Variants in SORCS1 observed in about 807,000 individuals in gnomAD.
The protein encoded by SORCS1 is sortilin related VPS10 domain containing receptor 1, also known as VPS10 domain-containing receptor SorCS1.
Under a neutral mutation model 146.1 loss-of-function variants are expected in SORCS1, and 60 were observed. That is an observed-to-expected ratio of 0.41 (90% CI 0.33 to 0.51). The LOEUF (loss-of-function observed/expected upper bound fraction) is 0.51. SORCS1 is among the 20% of genes least tolerant of loss of function. SORCS1 has a pLI of 0.21. For missense variants in SORCS1, 1,352 were observed against 1,487.6 expected (o/e 0.91, Z 1.50); for synonymous variants, 637 against 584.0 (o/e 1.09, Z -1.31).
chr10:106,714,522 T>C (rs1302568449), intron 6 of SORCS1, among the ~76,000 whole-genome samples: 1 of 152,196 alleles, frequency 6.6e-6, no homozygotes, highest in Non-Finnish European at 1.5e-5. Flanking sequence ...TTCTGTACTA[T>C]CTTGGGTGAC....
intron 3 of SORCS1, among the ~76,000 whole-genome samples, chr10:106,808,231 G>A (rs752225472): frequency 2.0e-5 from 3 of 152,062 alleles, no homozygotes; most frequent in Non-Finnish European, 4.4e-5. Context: ...TTGGTCAGGA[G>A]GGTCTTGAAC....
chr10:106,713,891 T>C (rs549127969), intron 6 of SORCS1, among the ~76,000 whole-genome samples: 1 of 152,094 alleles, frequency 6.6e-6, no homozygotes, highest in Admixed American at 6.6e-5. Flanking sequence ...TATTTTTGTG[T>C]GGTAATTTGG....
At chr10:107,167,235 A>G (rs966387763), upstream of SORCS1, among the ~76,000 whole-genome samples, 1 of 152,232 alleles carries the variant, frequency 6.6e-6, no homozygotes, top group Non-Finnish European at 1.5e-5. Flanking sequence ...CAGAAGCGGA[A>G]AGTACCAGTA....
chr10:106,733,405 A>G (rs960046395), intron 5 of SORCS1, among the ~76,000 whole-genome samples: 2 of 152,190 alleles, frequency 1.3e-5, no homozygotes, highest in African/African-American at 4.8e-5. Flanking sequence ...CTTTTACTTT[A>G]TGGCCTAGTG....
intron 1 of SORCS1, among the ~76,000 whole-genome samples, chr10:107,151,446 G>C (rs1349215070): frequency 1.3e-5 from 2 of 151,988 alleles, no homozygotes; most frequent in Non-Finnish European, 2.9e-5. Flanking sequence ...CACATGGCTG[G>C]GGAGATCTCA....
intron 10 of SORCS1, 151 bp downstream of exon 10, chr10:106,688,041 G>C (rs1335309648): frequency 5.1e-6 from 5 of 981,706 alleles, no homozygotes; most frequent in African/African-American, 1.7e-5. Context: ...GCAGTGCTGT[G>C]AGTTTTCTAC....
chr10:106,667,904 A>G, intron 16 of SORCS1, 102 bp from the exon 17 acceptor site: 2 of 612,844 alleles, frequency 3.3e-6, no homozygotes, highest in South Asian at 4.7e-5. Context: ...TCAATTAGTC[A>G]TAACAAACAA....
chr10:107,149,850 C>T (rs1968625939), intron 1 of SORCS1, among the ~76,000 whole-genome samples: 1 of 152,182 alleles, frequency 6.6e-6, no homozygotes, highest in Admixed American at 6.5e-5. Context: ...TGCTAACAAC[C>T]TAAGATCAAC....
At chr10:106,957,925 T>C (rs141862935) in intron 1 of SORCS1, among the ~76,000 whole-genome samples, 25 of 152,294 alleles carry the variant, frequency 1.6e-4, no homozygotes, top group Admixed American at 3.9e-4. Flanking sequence ...GAAAAACAGA[T>C]TCCGTCTATG....
At chr10:106,953,039 T>C (rs1049577474) in intron 2 of SORCS1, among the ~76,000 whole-genome samples, 2 of 151,928 alleles carry the variant, frequency 1.3e-5, no homozygotes, top group African/African-American at 4.8e-5. Context: ...AAATTACCAG[T>C]TTCTAATATA....
intron 1 of SORCS1, among the ~76,000 whole-genome samples, chr10:107,065,510 C>CTCCT (rs71025577): frequency 1.2e-5 from 1 of 86,360 alleles, no homozygotes; most frequent in Non-Finnish European, 2.3e-5. Flanking sequence ...CTCCTCTCCT[C>CTCCT]TCTTTCTTTC....
intron 2 of SORCS1, among the ~76,000 whole-genome samples, chr10:106,889,911 A>AAAAAAAAAAAAAG (rs1951164088): frequency 6.7e-6 from 1 of 150,226 alleles, no homozygotes; most frequent in African/African-American, 2.5e-5. Flanking sequence ...AAAAAAAAAA[A>AAAAAAAAAAAAAG]GCACTTCCCT....
At chr10:107,047,011 T>C (rs978480080) in intron 1 of SORCS1, among the ~76,000 whole-genome samples, 3 of 152,174 alleles carry the variant, frequency 2.0e-5, no homozygotes, top group Non-Finnish European at 4.4e-5. Context: ...TTTTTTGAGA[T>C]GGAATCTCGC....
chr10:106,997,646 G>A (rs544892565), intron 1 of SORCS1, among the ~76,000 whole-genome samples: 7 of 152,282 alleles, frequency 4.6e-5, no homozygotes, highest in African/African-American at 1.2e-4. Context: ...AGAAATGAGA[G>A]AAATATATAC....
chr10:106,674,328 C>CAAAAAAAAAAAAAAA lies in SORCS1; in HGVS notation c.1940+706_1940+720dup, dbSNP rs10658432. Among the ~76,000 whole-genome samples the CAAAAAAAAAAAAAAA allele has an allele frequency of 8.7e-3, 239 of 27,362 alleles. 78 individuals are homozygous for CAAAAAAAAAAAAAAA. Among genetic ancestry groups the CAAAAAAAAAAAAAAA allele is most frequent in the Non-Finnish European group, 0.011 (195 of 18,426 alleles). The allele number at this position is 27,362 out of a possible 152,430, so 18.0% of individuals were successfully genotyped here. On this transcript the variant is annotated intron_variant, in intron 14 of 25. Coordinates refer to ENST00000263054, the MANE Select transcript of SORCS1 (RefSeq NM_052918.5). ...TGGGCGACAGAGTAAGACTCCGTCTCAAAAAAAAAAAAAAAAAAAAAAAAA... is the reference window on the plus strand; with the variant it reads ...TGGGCGACAGAGTAAGACTCCGTCTCAAAAAAAAAAAAAAAAAAAAAAAAAAAAAAAAAAAAAAAA...
chr10:106,619,355 C>T (rs1276875652), intron 20 of SORCS1, among the ~76,000 whole-genome samples: 1 of 152,188 alleles, frequency 6.6e-6, no homozygotes, highest in Non-Finnish European at 1.5e-5. Flanking sequence ...GAGGTTCTTT[C>T]CACTGTTTAG....
At chr10:106,779,853 G>A (rs371935829) in intron 3 of SORCS1, among the ~76,000 whole-genome samples, 2 of 152,136 alleles carry the variant, frequency 1.3e-5, no homozygotes, top group African/African-American at 4.8e-5. Flanking sequence ...ACACATGACT[G>A]TATAATGTAC....
At chr10:106,908,347 T>G (rs1195367117) in intron 2 of SORCS1, among the ~76,000 whole-genome samples, 2 of 152,198 alleles carry the variant, frequency 1.3e-5, no homozygotes, top group African/African-American at 4.8e-5. Flanking sequence ...CTAAGAAGTT[T>G]CATGAGCACA....
intron 22 of SORCS1, 130 bp from the exon 23 acceptor site, chr10:106,607,427 A>C: frequency 2.4e-6 from 3 of 1,237,560 alleles, no homozygotes; most frequent in Non-Finnish European, 3.3e-6. Flanking sequence ...AGGCCTGGGC[A>C]TATCAGGCAG....
Sources: gnomAD v4.1 joint callset for allele counts (sites outside exome capture counted in the v4.1 genomes callset) on GRCh38, gnomAD v4.1.1 for gene constraint, MANE v1.5 for transcripts, NCBI Gene and HGNC (gene_info 2026-07-23, HGNC 2026-07-21) for gene names.